The following CEP135 variants were observed in gnomAD, a reference collection of about 807,000 sequenced individuals.
The protein encoded by CEP135 is centrosomal protein 135.
In CEP135, 142 loss-of-function variants were observed where a neutral mutation model predicts 157.3. The ratio of observed to expected loss-of-function variants is 0.90; its 90% CI spans 0.79 to 1.04. The LOEUF is 1.04. Among genes scored for constraint, CEP135 ranks in the 50% least tolerant of loss-of-function variants. CEP135 has a pLI of 0.00. For synonymous variants in CEP135, 396 were observed against 439.8 expected (o/e 0.90, Z 1.25); for missense variants, 1,317 against 1,309.2 (o/e 1.01, Z -0.09).
Position 55,971,335 on chromosome 4 carries a change from A to G in CEP135, c.1176A>G (p.Leu392=). Reference sequence around the variant, plus strand: ...ATGAACTCCTTGTAAAATCAGACCTAGAAACTGTTGTTCATCAGCTTGAAC... The same window carrying G: ...ATGAACTCCTTGTAAAATCAGACCTGGAAACTGTTGTTCATCAGCTTGAAC... ...LSDELLVKSD[L]ETVVHQLEQE... Residue 392 remains leucine (L), a synonymous_variant, in exon 10 of 26, where the codon CTA becomes CTG. Coordinates refer to ENST00000257287, the MANE Select transcript of CEP135 (RefSeq NM_025009.5). 22 of 1,608,016 alleles carry G rather than the reference A, an allele frequency of 1.4e-5. No homozygotes were observed. The highest frequency in any genetic ancestry group is 1.8e-5 in the Non-Finnish European group (21 of 1,177,506).
rs1730887170 is a variant in CEP135, at chr4:56,019,263, AGT to A, written c.3013-89_3013-88del. 1.5e-5 allele frequency: 14 copies of A among 956,240 alleles called. No individual in the cohort carries two copies. The South Asian group carries it at 2.5e-4, about 17-fold the overall frequency. The allele number at this position is 956,240 out of a possible 1,614,324, so 59.2% of individuals were successfully genotyped here. A position where few individuals can be genotyped will look rare whatever the true frequency, so the allele number is the denominator to read the frequency against. On this transcript the variant is annotated intron_variant, in intron 22 of 25. Transcript: ENST00000257287. ...AAAATGAAACAAGTGATAGGTGAAT[AGT>A]TCCACAGAGCTATATTGTCAGATAA...
At chr4:56,018,515 T>G (rs1018984570) in intron 22 of CEP135, among the ~76,000 whole-genome samples, 13 of 152,142 alleles carry the variant, frequency 8.5e-5, no homozygotes, top group Admixed American at 7.2e-4. Flanking sequence ...CCCAACACTT[T>G]GGGAAGTCGA....
intron 11 of CEP135, among the ~76,000 whole-genome samples, chr4:55,976,748 T>A (rs1729237921): frequency 6.6e-6 from 1 of 152,040 alleles, no homozygotes; most frequent in Non-Finnish European, 1.5e-5. Context: ...ATGGGTGGGG[T>A]ATAAGACAGT....
In CEP135 at chr4:55,977,744, A is replaced by G. The variant is rs182080257; in HGVS notation, c.1474-2399A>G. ...TATACAATAGTTATTATTAACTGGT[A>G]ACCATGCAACACAATAGCTCATTAA... On this transcript the variant is annotated intron_variant, in intron 11 of 25. Transcript: ENST00000257287. 3.3e-3 allele frequency among the ~76,000 whole-genome samples: 502 copies of G among 152,348 alleles called. 2 individuals are homozygous for G. Among genetic ancestry groups the G allele is most frequent in the Non-Finnish European group, 6.0e-3 (409 of 68,024 alleles).
rs1301551278 is a variant in CEP135, at chr4:55,964,179, A to G, written c.700-95A>G. ...ATGTTAATCTCTTGCATACATTGGT[A>G]CATAAGAAAATATATCCAAATAAAT... On this transcript the variant is annotated intron_variant, in intron 6 of 25. Coordinates refer to ENST00000257287, the MANE Select transcript of CEP135 (RefSeq NM_025009.5). 14 of 1,205,270 alleles carry G rather than the reference A, an allele frequency of 1.2e-5. No homozygotes were observed. The Admixed American group carries it at 3.5e-4, about 30-fold the overall frequency. The allele number at this position is 1,205,270 out of a possible 1,614,324, so 74.7% of individuals were successfully genotyped here.
intron 17 of CEP135, among the ~76,000 whole-genome samples, chr4:56,004,681 G>A (rs967084023): frequency 2.0e-5 from 3 of 152,074 alleles, no homozygotes; most frequent in Non-Finnish European, 4.4e-5. Flanking sequence ...TCTCTTTATA[G>A]TCTTTGACTT....
rs376602134 is a variant in CEP135, at chr4:56,000,763, A to C, written c.2280+1118A>C. Among the ~76,000 whole-genome samples the C allele has an allele frequency of 2.7e-4, 41 of 152,190 alleles. 1 individual carries two copies. Among genetic ancestry groups the C allele is most frequent in the African/African-American group, 9.6e-4 (40 of 41,516 alleles). On this transcript the variant is annotated intron_variant, in intron 17 of 25. Coordinates refer to ENST00000257287, the MANE Select transcript of CEP135 (RefSeq NM_025009.5). The stretch of plus-strand genomic sequence containing the variant: ...TTGATTTCTTCTCTTTCAGATATTT[A>C]CTCAATAGTGGAATTGCAGGATCAT...
intron 8 of CEP135, 79 bp from the exon 9 acceptor site, chr4:55,968,984 A>G: frequency 9.1e-7 from 1 of 1,096,754 alleles, no homozygotes; most frequent in South Asian, 1.6e-5. Flanking sequence ...AGTAATTGCA[A>G]AATTACTTGA....
intron 12 of CEP135, 110 bp from the exon 13 acceptor site, chr4:55,981,117 G>C (rs1371091635): frequency 2.2e-6 from 2 of 908,258 alleles, no homozygotes; most frequent in Non-Finnish European, 3.2e-6. Context: ...AGAGAGTGAC[G>C]GTAGCATGTG....
At chr4:56,014,962 A>G (rs1278621569) in intron 21 of CEP135, among the ~76,000 whole-genome samples, 2 of 152,142 alleles carry the variant, frequency 1.3e-5, no homozygotes, top group Non-Finnish European at 2.9e-5. Flanking sequence ...TGGGGGGCTG[A>G]GCCCAGGAGG....
At chr4:55,963,745 CAAAAAG>C (rs1434579876) in intron 6 of CEP135, among the ~76,000 whole-genome samples, 4 of 152,208 alleles carry the variant, frequency 2.6e-5, no homozygotes, top group East Asian at 1.9e-4. Context: ...AACTCCGTCT[CAAAAAG>C]AAAAAGAAAA....
chr4:56,018,045 C>A (rs977275725), intron 22 of CEP135, among the ~76,000 whole-genome samples, 188 bp downstream of exon 22: 1 of 152,074 alleles, frequency 6.6e-6, no homozygotes, highest in Admixed American at 6.6e-5. Context: ...CTCACCACAA[C>A]TTCCGCCTCC....
At chr4:56,031,160 ATAAAG>A (rs1731334479) in intron 25 of CEP135, among the ~76,000 whole-genome samples, 195 bp from the exon 26 acceptor site, 1 of 151,790 alleles carries the variant, frequency 6.6e-6, no homozygotes, top group South Asian at 2.1e-4. Flanking sequence ...AATAAATAAA[ATAAAG>A]TACAATGAAT....
intron 17 of CEP135, among the ~76,000 whole-genome samples, chr4:56,007,164 G>C (rs767485536): frequency 6.6e-6 from 1 of 152,196 alleles, no homozygotes; most frequent in African/African-American, 2.4e-5. Flanking sequence ...AAAGTGCTGG[G>C]ATTACAGGCC....
intron 6 of CEP135, chr4:55,960,072 T>G (rs1728631708): frequency 2.1e-6 from 1 of 479,408 alleles, no homozygotes; most frequent in Non-Finnish European, 3.6e-6. Flanking sequence ...TTCTCTTCAC[T>G]ATTCATTGAG....
chr4:55,996,298 T>C (rs1011116442), intron 15 of CEP135, among the ~76,000 whole-genome samples: 1 of 152,124 alleles, frequency 6.6e-6, no homozygotes, highest in Non-Finnish European at 1.5e-5. Context: ...TTTTTAAAAA[T>C]GTTTGTGGAG....
intron 21 of CEP135, among the ~76,000 whole-genome samples, chr4:56,013,803 G>T (rs1730677173): frequency 6.6e-6 from 1 of 152,198 alleles, no homozygotes; most frequent in Non-Finnish European, 1.5e-5. Context: ...CCTCCAGAAA[G>T]ATATATTGAG....
intron 7 of CEP135, chr4:55,964,869 T>C (rs1204634610): frequency 6.6e-6 from 1 of 151,490 alleles, no homozygotes; most frequent in Non-Finnish European, 1.5e-5. Flanking sequence ...ATATAAAAAT[T>C]AAATACCTAG....
chr4:55,968,457 C>A (rs1296138282), intron 8 of CEP135, among the ~76,000 whole-genome samples: 1 of 150,174 alleles, frequency 6.7e-6, no homozygotes, highest in Non-Finnish European at 1.5e-5. Flanking sequence ...CCAACACAAT[C>A]TTGAAAAAGG....
Sources: allele counts gnomAD v4.1 joint callset (sites outside exome capture counted in the v4.1 genomes callset), GRCh38; gene constraint gnomAD v4.1.1; transcripts MANE v1.5; gene names NCBI Gene and HGNC (gene_info 2026-07-23, HGNC 2026-07-21).